The following WDR70 variants were observed in gnomAD, a reference collection of about 807,000 sequenced individuals.
WDR70 encodes the protein WD repeat domain 70.
A neutral mutation model predicts 88.6 loss-of-function variants in WDR70; 53 were observed. That is an observed-to-expected ratio of 0.60 (90% CI 0.48 to 0.75). WDR70 has a LOEUF of 0.75. Ranked by LOEUF, WDR70 falls within the 30% of genes least tolerant of loss-of-function variation. WDR70 has a pLI of 0.00. For missense variants in WDR70, 610 were observed against 823.2 expected (o/e 0.74, Z 3.17); for synonymous variants, 280 against 270.0 (o/e 1.04, Z -0.36).
chr5:37,515,031 AAAAAG>A (rs990132087), intron 8 of WDR70, among the ~76,000 whole-genome samples: 1 of 152,024 alleles, frequency 6.6e-6, no homozygotes, highest in Non-Finnish European at 1.5e-5. Flanking sequence ...AAAAAAAAAA[AAAAAG>A]AAAAAGCAGA....
At chr5:37,626,902 G>A (rs1744679815) in intron 10 of WDR70, among the ~76,000 whole-genome samples, 1 of 151,858 alleles carries the variant, frequency 6.6e-6, no homozygotes, top group Non-Finnish European at 1.5e-5. Context: ...AAATTTATTG[G>A]CATATTGTTG....
intron 5 of WDR70, among the ~76,000 whole-genome samples, chr5:37,405,995 G>C (rs1007734897): frequency 6.6e-6 from 1 of 152,082 alleles, no homozygotes; most frequent in African/African-American, 2.4e-5. Context: ...GTGAGCCATG[G>C]TTGCATCACT....
intron 5 of WDR70, among the ~76,000 whole-genome samples, chr5:37,397,111 T>C (rs555194315): frequency 5.7e-4 from 87 of 151,646 alleles, no homozygotes; most frequent in Non-Finnish European, 9.6e-4. Context: ...CACTCCAGCC[T>C]GGGCGACAGA....
At chr5:37,530,848 G>T (rs1257232104) in intron 9 of WDR70, among the ~76,000 whole-genome samples, 1 of 149,552 alleles carries the variant, frequency 6.7e-6, no homozygotes, top group Non-Finnish European at 1.5e-5. Flanking sequence ...GCTGGGTTTG[G>T]ATTGTTCTTA....
At chr5:37,519,368 C>T (rs908898423) in intron 9 of WDR70, among the ~76,000 whole-genome samples, 9 of 147,622 alleles carry the variant, frequency 6.1e-5, no homozygotes, top group African/African-American at 2.3e-4. Context: ...CAGAGACGCT[C>T]CTCACTTCCC....
chr5:37,699,757 G>A (rs1404921832), intron 11 of WDR70, among the ~76,000 whole-genome samples: 1 of 151,920 alleles, frequency 6.6e-6, no homozygotes, highest in Non-Finnish European at 1.5e-5. Context: ...AGACCAGCCT[G>A]GAAAACATGA....
rs1746358659 is a variant in WDR70 at position 37,679,642 on chromosome 5, C to A, written c.1093-18013C>A. Among the ~76,000 whole-genome samples the A allele has an allele frequency of 9.2e-5, 14 of 152,330 alleles. No individual in the cohort carries two copies. The South Asian group carries it at 2.9e-3, about 32-fold the overall frequency. The stretch of plus-strand genomic sequence containing the variant: ...CGTGTGAGGTGTCAGTCTGCCCCTA[C>A]TGGGGGGTGCCTCCCAGTTAGGCTG... On this transcript the variant is annotated intron_variant, in intron 10 of 17. Transcript: ENST00000265107.
At chr5:37,491,838 A>G (rs543119014) in intron 8 of WDR70, among the ~76,000 whole-genome samples, 5 of 152,326 alleles carry the variant, frequency 3.3e-5, no homozygotes, top group Admixed American at 6.5e-5. Context: ...AATAATAGAT[A>G]TAACTAAAAA....
intron 13 of WDR70, among the ~76,000 whole-genome samples, chr5:37,703,407 T>G (rs1375195064): frequency 1.3e-5 from 2 of 152,212 alleles, no homozygotes; most frequent in East Asian, 3.8e-4. Flanking sequence ...ATGGGCATGT[T>G]TGTGAGGATC....
At chr5:37,656,735 T>A (rs891428380) in intron 10 of WDR70, among the ~76,000 whole-genome samples, 2 of 152,206 alleles carry the variant, frequency 1.3e-5, no homozygotes, top group African/African-American at 4.8e-5. Context: ...CCAGTGGCTT[T>A]GTTAAAACTG....
intron 3 of WDR70, among the ~76,000 whole-genome samples, chr5:37,388,662 C>T (rs1181352823): frequency 6.6e-6 from 1 of 150,798 alleles, no homozygotes; most frequent in African/African-American, 2.4e-5. Flanking sequence ...ATTGCTTGAA[C>T]CTAGGAGGTG....
At chr5:37,528,549 A>T (rs1448718663) in intron 9 of WDR70, among the ~76,000 whole-genome samples, 1 of 152,198 alleles carries the variant, frequency 6.6e-6, no homozygotes, top group Non-Finnish European at 1.5e-5. Context: ...TAATGGGTGG[A>T]GCACACCAAC....
At chr5:37,740,133 A>T (rs1458680344) in intron 17 of WDR70, among the ~76,000 whole-genome samples, 1 of 152,188 alleles carries the variant, frequency 6.6e-6, no homozygotes, top group Non-Finnish European at 1.5e-5. Context: ...TGCCAAGGGC[A>T]AATTAGACCA....
chr5:37,475,848 T>A (rs75004956), intron 7 of WDR70, among the ~76,000 whole-genome samples: 1 of 145,220 alleles, frequency 6.9e-6, no homozygotes, highest in African/African-American at 2.7e-5. Flanking sequence ...TACATATTTT[T>A]TTTTTTTTTT....
chr5:37,383,067 T>TTAAAA (rs1246651745), intron 3 of WDR70, among the ~76,000 whole-genome samples: 1 of 151,622 alleles, frequency 6.6e-6, no homozygotes, highest in Non-Finnish European at 1.5e-5. Flanking sequence ...AAACTCCATC[T>TTAAAA]TAAAATAAAA....
intron 8 of WDR70, among the ~76,000 whole-genome samples, chr5:37,512,139 T>C (rs1740739015): frequency 6.6e-6 from 1 of 152,230 alleles, no homozygotes; most frequent in Non-Finnish European, 1.5e-5. Flanking sequence ...TTCCTTGGCT[T>C]GTGGCTATAT....
At chr5:37,467,875 C>G (rs1739207319) in intron 7 of WDR70, among the ~76,000 whole-genome samples, 1 of 151,888 alleles carries the variant, frequency 6.6e-6, no homozygotes, top group Non-Finnish European at 1.5e-5. Flanking sequence ...CCACCGCGCC[C>G]AGCTAATTTT....
intron 9 of WDR70, among the ~76,000 whole-genome samples, chr5:37,547,363 TTA>T (rs1742028407): frequency 6.6e-6 from 1 of 152,220 alleles, no homozygotes. Context: ...GACTTGCATA[TTA>T]TAATAAGTGG....
intron 9 of WDR70, among the ~76,000 whole-genome samples, chr5:37,593,176 C>G (rs562054043): frequency 6.6e-6 from 1 of 152,098 alleles, no homozygotes; most frequent in Non-Finnish European, 1.5e-5. Context: ...TTTTAAAATA[C>G]TTTTAAGTTC....
Sources: allele counts gnomAD v4.1 joint callset (sites outside exome capture counted in the v4.1 genomes callset), GRCh38; gene constraint gnomAD v4.1.1; transcripts MANE v1.5; gene names NCBI Gene and HGNC (gene_info 2026-07-23, HGNC 2026-07-21).